CCDC6: variants seen among roughly 807,000 people sequenced by gnomAD.
The protein encoded by CCDC6 is coiled-coil domain containing 6, also known as coiled-coil domain-containing protein 6.
A neutral mutation model predicts 56.6 loss-of-function variants in CCDC6; 20 were observed. The ratio of observed to expected loss-of-function variants is 0.35; its 90% CI spans 0.25 to 0.51. CCDC6 has a LOEUF of 0.51. Among genes scored for constraint, CCDC6 ranks in the 20% least tolerant of loss-of-function variants. The probability of loss-of-function intolerance (pLI) is 0.95; values close to 1 mark genes in which losing one functional copy is unlikely to be tolerated. For synonymous variants in CCDC6, 241 were observed against 234.4 expected (o/e 1.03, Z -0.26); for missense variants, 367 against 601.1 (o/e 0.61, Z 4.07).
At chr10:59,900,198 G>C (rs533950880) in intron 1 of CCDC6, among the ~76,000 whole-genome samples, 1 of 152,068 alleles carries the variant, frequency 6.6e-6, no homozygotes, top group African/African-American at 2.4e-5. Context: ...TGTCAGTGAC[G>C]TGGGGTGGGG....
Position 59,906,108 on chromosome 10 carries a change from CG to C in CCDC6, c.303+13del, listed in dbSNP as rs758958979. The stretch of plus-strand genomic sequence containing the variant: ...GGAGGTCGGCGCTGCGGCGCGTCCC[CG>C]GGGGGCACTCACGATGGTCACGCTG... On this transcript the variant is annotated intron_variant, in intron 1 of 8. Transcript: ENST00000263102. 5.4e-5 allele frequency: 85 copies of C among 1,568,444 alleles called. 1 individual carries two copies. In the South Asian group the frequency reaches 9.5e-4, roughly 17 times the overall value.
At position 59,906,528 on chromosome 10, in the gene CCDC6, A is replaced by T; in HGVS notation, c.-104T>A. The stretch of plus-strand genomic sequence containing the variant: ...GCCGGGCGAGCACAGGGGAGCGCCG[A>T]GCTGAGCGCCTGGCACCAGGGCGCA... On this transcript the variant is annotated 5_prime_UTR_variant, in exon 1 of 9. Coordinates refer to ENST00000263102, the MANE Select transcript of CCDC6 (RefSeq NM_005436.5). 9.7e-7 allele frequency: 1 copy of T among 1,036,056 alleles called. No individual in the cohort carries two copies. The highest frequency in any genetic ancestry group is 1.3e-6 in the Non-Finnish European group (1 of 761,108). 64.2% of individuals were successfully genotyped at this position (1,036,056 alleles called of 1,614,324 possible).
chr10:59,794,685 C>T (rs1427885954), intron 7 of CCDC6, 88 bp from the exon 8 acceptor site: 2 of 1,075,124 alleles, frequency 1.9e-6, no homozygotes, highest in Non-Finnish European at 2.8e-6. Flanking sequence ...CGCAGTAGTT[C>T]TCTATCACCC....
chr10:59,844,885 G>A (rs1257973932), intron 2 of CCDC6, among the ~76,000 whole-genome samples: 1 of 152,092 alleles, frequency 6.6e-6, no homozygotes, highest in African/African-American at 2.4e-5. Flanking sequence ...CTAAGCTGAG[G>A]CATTATTGAA....
chr10:59,848,249 T>C (rs1806172527), intron 2 of CCDC6, among the ~76,000 whole-genome samples: 1 of 152,234 alleles, frequency 6.6e-6, no homozygotes, highest in Non-Finnish European at 1.5e-5. Context: ...TTTTAAAGTA[T>C]ACATAGCTCA....
chr10:59,882,698 C>G (rs554984602), intron 1 of CCDC6, among the ~76,000 whole-genome samples: 1 of 146,696 alleles, frequency 6.8e-6, no homozygotes, highest in African/African-American at 2.5e-5. Context: ...CAGTGGCTCA[C>G]GCCTGTAATC....
intron 5 of CCDC6, among the ~76,000 whole-genome samples, chr10:59,810,859 T>C (rs1019310138): frequency 1.3e-5 from 2 of 152,080 alleles, no homozygotes. Context: ...TTAAGGGGCT[T>C]GAGATGGGTA....
intron 1 of CCDC6, among the ~76,000 whole-genome samples, chr10:59,854,534 C>T (rs551146416): frequency 2.4e-4 from 37 of 152,234 alleles, no homozygotes; most frequent in African/African-American, 8.2e-4. Context: ...TCTGTATTAC[C>T]AGCCAAGGCA....
At chr10:59,852,048 A>G (rs765741341) in intron 2 of CCDC6, among the ~76,000 whole-genome samples, 10 of 152,194 alleles carry the variant, frequency 6.6e-5, no homozygotes, top group Non-Finnish European at 1.5e-4. Flanking sequence ...TAGCAGTCTG[A>G]TATTTGTTCA....
intron 1 of CCDC6, among the ~76,000 whole-genome samples, chr10:59,859,896 A>G (rs905271496): frequency 6.6e-6 from 1 of 152,166 alleles, no homozygotes; most frequent in Non-Finnish European, 1.5e-5. Flanking sequence ...CAGGTGCCCA[A>G]TGTGGCGAAA....
At chr10:59,866,129 C>G (rs1307206862) in intron 1 of CCDC6, among the ~76,000 whole-genome samples, 1 of 152,204 alleles carries the variant, frequency 6.6e-6, no homozygotes, top group Non-Finnish European at 1.5e-5. Flanking sequence ...GATGGAGAAT[C>G]TCCTGCATGG....
chr10:59,793,165 T>C, intron 8 of CCDC6, 54 bp from the exon 9 acceptor site: 1 of 1,444,936 alleles, frequency 6.9e-7, no homozygotes, highest in Non-Finnish European at 9.7e-7. Context: ...GATCTCATTC[T>C]ACCTAACACA....
intron 7 of CCDC6, among the ~76,000 whole-genome samples, chr10:59,802,408 G>A (rs1255107840): frequency 6.6e-6 from 1 of 152,090 alleles, no homozygotes; most frequent in African/African-American, 2.4e-5. Flanking sequence ...TATTCTTAAT[G>A]CTTACAGCCA....
intron 1 of CCDC6, among the ~76,000 whole-genome samples, chr10:59,902,464 G>A (rs1171825): frequency 0.62 from 91,999 of 147,754 alleles, 28,959 homozygotes; most frequent in East Asian, 0.86. Flanking sequence ...TGCGACATTG[G>A]CTCACTGCAA....
intron 2 of CCDC6, among the ~76,000 whole-genome samples, chr10:59,843,493 A>T (rs984947234): frequency 6.6e-6 from 1 of 152,214 alleles, no homozygotes; most frequent in African/African-American, 2.4e-5. Flanking sequence ...GTTGGCTTTT[A>T]CTTCTCTGAG....
intron 1 of CCDC6, among the ~76,000 whole-genome samples, chr10:59,873,621 C>T (rs1436704731): frequency 6.6e-6 from 1 of 152,080 alleles, no homozygotes; most frequent in African/African-American, 2.4e-5. Flanking sequence ...GACCCAACTC[C>T]CACCACCAAA....
At chr10:59,884,448 G>A (rs1383539850) in intron 1 of CCDC6, among the ~76,000 whole-genome samples, 1 of 152,134 alleles carries the variant, frequency 6.6e-6, no homozygotes, top group East Asian at 1.9e-4. Flanking sequence ...AAAAACCATT[G>A]CTAAGACTTG....
chr10:59,854,434 G>A (rs2132657675), intron 1 of CCDC6, among the ~76,000 whole-genome samples: 1 of 152,290 alleles, frequency 6.6e-6, no homozygotes, highest in South Asian at 2.1e-4. Flanking sequence ...TGGAGGCTTT[G>A]GGAGAAGGTC....
Position 59,804,454 on chromosome 10 carries a change from T to C in CCDC6, c.1071A>G (p.Thr357=). Residue 357 remains threonine (T), a synonymous_variant, in exon 7 of 9, where the codon ACA becomes ACG. Transcript: ENST00000263102. ...TAGGCCTGCTTGAACTCGGAGAAGG[T>C]GTGTAAGGGATCGGGCTGGACACAG... ...PRTVSSPIPY[T]PSPSSSRPIS... is the part of the protein sequence containing the mutation. The C allele has an allele frequency of 5.0e-6, 8 of 1,612,790 alleles. No individual in the cohort carries two copies. Among genetic ancestry groups the C allele is most frequent in the Non-Finnish European group, 6.8e-6 (8 of 1,178,962 alleles).
Sources: gnomAD v4.1 joint callset for allele counts (sites outside exome capture counted in the v4.1 genomes callset) on GRCh38, gnomAD v4.1.1 for gene constraint, MANE v1.5 for transcripts, NCBI Gene and HGNC (gene_info 2026-07-23, HGNC 2026-07-21) for gene names.